ADPRHL1: variants seen among roughly 807,000 people sequenced by gnomAD.
ADPRHL1 encodes the protein inactive ADP-ribosyltransferase ARH2.
Under a neutral mutation model 44.1 loss-of-function variants are expected in ADPRHL1, and 43 were observed. The ratio of observed to expected loss-of-function variants is 0.98; its 90% CI spans 0.76 to 1.26. The LOEUF is 1.26. Among genes scored for constraint, ADPRHL1 ranks in the 50% most tolerant of loss-of-function variants. ADPRHL1 has a pLI of 0.00. For missense variants in ADPRHL1, 2,022 were observed against 2,496.9 expected, an observed-to-expected ratio of 0.81 and a Z score of 4.05; for synonymous variants, 878 against 1,017.4, an observed-to-expected ratio of 0.86 and a Z score of 2.61.
intron 1 of ADPRHL1, among the ~76,000 whole-genome samples, chr13:113,447,254 G>A (rs1167260463): frequency 1.4e-3 from 138 of 99,474 alleles, no homozygotes; most frequent in Non-Finnish European, 2.2e-3. Context: ...GCGTCTACAC[G>A]CACGGTGTTG....
In ADPRHL1 at chr13:113,444,424, C is replaced by A. The variant is rs1322207769; in HGVS notation, c.379+1G>T. On this transcript the variant is annotated splice_donor_variant, in intron 2 of 7. Coordinates refer to ENST00000612156, the MANE Select transcript of ADPRHL1 (RefSeq NM_001394807.1). LOFTEE classifies it high-confidence loss of function. ...GGGGGAGAGGAGAGGATTTCCCTGA[C>A]CTTTTTCATTGAACGGTGTGTGCCA... 2.5e-6 allele frequency: 4 copies of A among 1,613,550 alleles called. No individual in the cohort carries two copies.
intron 3 of ADPRHL1, among the ~76,000 whole-genome samples, chr13:113,433,470 A>AG (rs1302275201): frequency 2.2e-4 from 33 of 152,216 alleles, no homozygotes; most frequent in Admixed American, 6.5e-5. Flanking sequence ...ACAGGCCTTA[A>AG]GCAAAGCAGA....
chr13:113,444,128 C>T (rs2044118656), intron 2 of ADPRHL1, among the ~76,000 whole-genome samples: 1 of 151,954 alleles, frequency 6.6e-6, no homozygotes, highest in Non-Finnish European at 1.5e-5. Context: ...GCCCGTATTC[C>T]TTAAACAGAC....
rs2043800718 is a variant in ADPRHL1, at chr13:113,405,441, T to C, written c.3841A>G (p.Ser1281Gly). The part of the protein sequence containing the change: ...PQARSVAESP[S>G]YGPGLPPSPP... ...GACGGCGGGAGGCCAGGGCCATAGC[T>C]GGGGGACTCTGCCACGCTCCTTGCC... The change falls in exon 8 of 8, where the codon AGC becomes GGC. Residue 1281 changes from serine (S) to glycine (G), a missense_variant. By Grantham distance (56) the Ser-to-Gly change is moderately conservative. Around this residue, in one of 8 missense-constraint regions of ADPRHL1, gnomAD observed 1,221 missense variants for 1,517.8 expected, o/e 0.80. Coordinates refer to ENST00000612156, the MANE Select transcript of ADPRHL1 (RefSeq NM_001394807.1). 9 of 1,231,822 alleles carry C rather than the reference T, an allele frequency of 7.3e-6. No individual in the cohort carries two copies. Among genetic ancestry groups the C allele is most frequent in the Non-Finnish European group, 9.1e-6 (9 of 988,176 alleles). The allele number at this position is 1,231,822 out of a possible 1,614,324, so 76.3% of individuals were successfully genotyped here. A position where few individuals can be genotyped will look rare whatever the true frequency, so the allele number is the denominator to read the frequency against.
intron 3 of ADPRHL1, among the ~76,000 whole-genome samples, chr13:113,429,772 C>G (rs143262492): frequency 6.6e-6 from 1 of 152,312 alleles, no homozygotes; most frequent in African/African-American, 2.4e-5. Flanking sequence ...ACTCACTCGC[C>G]CTGCTGGTGC....
At chr13:113,424,541 A>C (rs143923192) in intron 5 of ADPRHL1, among the ~76,000 whole-genome samples, 192 bp from the exon 6 acceptor site, 2,824 of 151,724 alleles carry the variant, frequency 0.019, 46 homozygotes, top group South Asian at 0.067. Flanking sequence ...TGCAACCTCC[A>C]CCTCCCGGGT....
rs145290925 is a variant in ADPRHL1, at chr13:113,403,353, C to A, written c.*25G>T. ...AATGGGCGGATGTCACAGTGCTGGG[C>A]GAGCCACGGTGTGTACTCGGGGCCT... On this transcript the variant is annotated 3_prime_UTR_variant, in exon 8 of 8. Coordinates refer to ENST00000612156, the MANE Select transcript of ADPRHL1 (RefSeq NM_001394807.1). The A allele has an allele frequency of 1.6e-6, 2 of 1,231,814 alleles. No individual in the cohort carries two copies. The highest frequency in any genetic ancestry group is 2.0e-6 in the Non-Finnish European group (2 of 987,894). The allele number at this position is 1,231,814 out of a possible 1,614,324, so 76.3% of individuals were successfully genotyped here.
rs758895749 is a variant in ADPRHL1, at chr13:113,425,079, G to A, written c.747C>T (p.Asp249=). ...KDSENKAIFP[D]NYDAEEREKT... is the part of the protein sequence containing the mutation. ...TTTCCCTCTCTTCTGCATCATAATT[G>A]TCGGGGAAGATGGCTTTATTTTCTG... is the stretch of plus-strand genomic sequence containing the variant. Residue 249 remains aspartate (D), a synonymous_variant, in exon 5 of 8, where the codon GAC becomes GAT. Coordinates refer to ENST00000612156, the MANE Select transcript of ADPRHL1 (RefSeq NM_001394807.1). 3 of 1,613,570 alleles carry A rather than the reference G, an allele frequency of 1.9e-6. No homozygotes were observed. The highest frequency in any genetic ancestry group is 2.5e-6 in the Non-Finnish European group (3 of 1,179,920).
chr13:113,429,113 A>G, intron 3 of ADPRHL1, 21 bp from the exon 4 acceptor site: 1 of 1,601,768 alleles, frequency 6.2e-7, no homozygotes. Flanking sequence ...GGGAAGAGAG[A>G]GGGGGCACCA....
rs2043833119 is a variant in ADPRHL1, at chr13:113,409,278, G to A, written c.1062-1058C>T. 1 of 984,488 alleles carries A rather than the reference G, an allele frequency of 1.0e-6. No individual in the cohort carries two copies. Among genetic ancestry groups the A allele is most frequent in the African/African-American group, 1.7e-5 (1 of 57,212 alleles). The allele number at this position is 984,488 out of a possible 1,614,324, so 61.0% of individuals were successfully genotyped here. On this transcript the variant is annotated intron_variant, in intron 7 of 7. Coordinates refer to ENST00000612156, the MANE Select transcript of ADPRHL1 (RefSeq NM_001394807.1). The surrounding 1 kb of genome is among the most constrained non-coding windows in gnomAD (Gnocchi z 4.2). ...AAAGCTGGAAGGTCTCCCCATCTGT[G>A]GCAGGGGGTGGAGCCGTCTCTGACC...
chr13:113,416,977 G>A (rs1331751202), intron 7 of ADPRHL1, among the ~76,000 whole-genome samples: 1 of 152,210 alleles, frequency 6.6e-6, no homozygotes, highest in Non-Finnish European at 1.5e-5. Flanking sequence ...GCTGATCCTG[G>A]GCAAAGGGGC....
chr13:113,442,569 T>C (rs1448676739), intron 2 of ADPRHL1, among the ~76,000 whole-genome samples: 1 of 152,244 alleles, frequency 6.6e-6, no homozygotes, highest in African/African-American at 2.4e-5. Flanking sequence ...TCTGCTGTCA[T>C]TGTTACTGTT....
chr13:113,452,844 G>A (rs2044187000), intron 1 of ADPRHL1, among the ~76,000 whole-genome samples: 1 of 152,228 alleles, frequency 6.6e-6, no homozygotes, highest in African/African-American at 2.4e-5. Flanking sequence ...TCTGCAGCGA[G>A]AAGTGAGCCC....
rs2043799038 is a variant in ADPRHL1, at chr13:113,405,263, G to C, written c.4019C>G (p.Ala1340Gly). The C allele has an allele frequency of 8.1e-7, 1 of 1,231,834 alleles. No homozygotes were observed. Among genetic ancestry groups the C allele is most frequent in the African/African-American group, 1.6e-5 (1 of 64,436 alleles). The allele number at this position is 1,231,834 out of a possible 1,614,324, so 76.3% of individuals were successfully genotyped here. ...GTCACCAGCAGTAGGGGGCAGGTGT[G>C]CCTGTAGATGGGGAGGGCCCCGCTG... ...THQRGPPHLQ[A>G]HLPPTAGDTQ... is the part of the protein sequence containing the mutation. The change falls in exon 8 of 8, where the codon GCA becomes GGA. Residue 1340 changes from alanine (A) to glycine (G), a missense_variant. Around this residue, in one of 8 missense-constraint regions of ADPRHL1, gnomAD observed 1,221 missense variants for 1,517.8 expected, o/e 0.80. Coordinates refer to ENST00000612156, the MANE Select transcript of ADPRHL1 (RefSeq NM_001394807.1).
In ADPRHL1 at chr13:113,403,365, T is replaced by C. The variant is rs972628106; in HGVS notation, c.*13A>G. 17 of 1,231,910 alleles carry C rather than the reference T, an allele frequency of 1.4e-5. No homozygotes were observed. In the African/African-American group the frequency reaches 2.3e-4, roughly 17 times the overall value. The allele number at this position is 1,231,910 out of a possible 1,614,324, so 76.3% of individuals were successfully genotyped here. A position where few individuals can be genotyped will look rare whatever the true frequency, so the allele number is the denominator to read the frequency against. On this transcript the variant is annotated 3_prime_UTR_variant, in exon 8 of 8. Coordinates refer to ENST00000612156, the MANE Select transcript of ADPRHL1 (RefSeq NM_001394807.1). ...TCACAGTGCTGGGCGAGCCACGGTG[T>C]GTACTCGGGGCCTCACTTTGGGAGC...
rs1387282021 is a variant in ADPRHL1, at chr13:113,441,696, A to G, written c.379+2729T>C. On this transcript the variant is annotated intron_variant, in intron 2 of 7. Coordinates refer to ENST00000612156, the MANE Select transcript of ADPRHL1 (RefSeq NM_001394807.1). The surrounding 1 kb of genome is among the most constrained non-coding windows in gnomAD (Gnocchi z 6.0). ...ACAGTTACCATTTCTGTAACACTCT[A>G]TCCCGCTGCGTGGGTCCATGTCTCT... is the stretch of plus-strand genomic sequence containing the variant. Among the ~76,000 whole-genome samples the G allele has an allele frequency of 1.3e-5, 2 of 152,052 alleles. No homozygotes were observed. The highest frequency in any genetic ancestry group is 2.1e-4 in the South Asian group (1 of 4,814).
In ADPRHL1 at chr13:113,427,542, CT is replaced by C. The variant is rs776970708; in HGVS notation, c.646+1409del. Among the ~76,000 whole-genome samples, 1,345 of 146,250 alleles carry C rather than the reference CT, an allele frequency of 9.2e-3. 6 individuals carry two copies. Among genetic ancestry groups the C allele is most frequent in the Middle Eastern group, 0.014 (4 of 278 alleles). ...CCACGCCCGGCCTCTTTTTTCTTTT[CT>C]TTTTTTTTTTTTGAGACGGAGTCTC... On this transcript the variant is annotated intron_variant, in intron 4 of 7. Transcript: ENST00000612156.
intron 7 of ADPRHL1, among the ~76,000 whole-genome samples, chr13:113,420,016 T>G (rs1026996692): frequency 2.0e-5 from 3 of 152,104 alleles, no homozygotes; most frequent in African/African-American, 4.8e-5. Flanking sequence ...AGGAGGCTCC[T>G]GGAAGGAGGC....
chr13:113,425,003 A>G (rs2043957673), intron 5 of ADPRHL1, 49 bp downstream of exon 5: 1 of 1,607,428 alleles, frequency 6.2e-7, no homozygotes, highest in African/African-American at 1.3e-5. Context: ...GCACTTATTG[A>G]GCACCACTGG....
Sources: allele counts gnomAD v4.1 joint callset (sites outside exome capture counted in the v4.1 genomes callset), GRCh38; gene constraint gnomAD v4.1.1; regional missense constraint gnomAD v4.1.1; non-coding constraint Gnocchi (gnomAD v3.1); transcripts MANE v1.5; gene names NCBI Gene and HGNC (gene_info 2026-07-23, HGNC 2026-07-21).